SHISA9: variants seen among roughly 807,000 people sequenced by gnomAD.
The protein encoded by SHISA9 is protein shisa-9.
In SHISA9, 13 loss-of-function variants were observed where a neutral mutation model predicts 38.0. The observed-to-expected ratio is 0.34, with a 90% CI of 0.22 to 0.54. SHISA9 has a LOEUF of 0.54. SHISA9 is among the 20% of genes least tolerant of loss of function. The probability of loss-of-function intolerance (pLI) is 0.91; values close to 1 mark genes in which losing one functional copy is unlikely to be tolerated. For synonymous variants in SHISA9, 275 were observed against 242.0 expected, an observed-to-expected ratio of 1.14 and a Z score of -1.27; for missense variants, 538 against 575.8, an observed-to-expected ratio of 0.93 and a Z score of 0.67.
At chr16:13,067,592 G>A (rs2073449815) in intron 2 of SHISA9, among the ~76,000 whole-genome samples, 2 of 152,244 alleles carry the variant, frequency 1.3e-5, no homozygotes, top group Non-Finnish European at 1.5e-5. Flanking sequence ...GCTGCAGTGA[G>A]CTGTGATTGC....
At chr16:13,372,948 T>C in the SHISA9 span, among the ~76,000 whole-genome samples, 2 of 151,986 alleles carry the variant, frequency 1.3e-5, no homozygotes, top group African/African-American at 2.4e-5. Context: ...CTCATAAATA[T>C]TTAATGTATT....
chr16:13,561,479 G>A, the SHISA9 span, among the ~76,000 whole-genome samples: 1 of 152,228 alleles, frequency 6.6e-6, no homozygotes, highest in African/African-American at 2.4e-5. Flanking sequence ...GCCGTGGGCA[G>A]GAACCTCTCC....
chr16:13,550,916 G>A, the SHISA9 span, among the ~76,000 whole-genome samples: 4 of 152,218 alleles, frequency 2.6e-5, no homozygotes, highest in Admixed American at 6.5e-5. Context: ...AAGGTCAGGC[G>A]TTCGAGACCA....
At chr16:13,433,273 G>A in the SHISA9 span, among the ~76,000 whole-genome samples, 3 of 152,130 alleles carry the variant, frequency 2.0e-5, no homozygotes, top group South Asian at 2.1e-4. Context: ...TTTAACTCAC[G>A]GTGTGACTTT....
the SHISA9 span, chr16:13,458,387 T>C: frequency 8.1e-6 from 3 of 370,830 alleles, no homozygotes; most frequent in East Asian, 2.5e-4. Flanking sequence ...GGAAGCAAAC[T>C]TTATGATGCT....
chr16:13,194,870 G>T (rs1277521400), intron 2 of SHISA9, among the ~76,000 whole-genome samples: 1 of 152,180 alleles, frequency 6.6e-6, no homozygotes, highest in East Asian at 1.9e-4. Context: ...AGTAACAAAT[G>T]GATGGTGGAT....
At chr16:13,347,967 T>G in the SHISA9 span, among the ~76,000 whole-genome samples, 3 of 152,148 alleles carry the variant, frequency 2.0e-5, no homozygotes, top group Non-Finnish European at 4.4e-5. Context: ...AATAGGGAGA[T>G]TATCCTGGAT....
intron 2 of SHISA9, among the ~76,000 whole-genome samples, chr16:13,031,751 G>C (rs1407676962): frequency 6.6e-6 from 1 of 152,188 alleles, no homozygotes; most frequent in African/African-American, 2.4e-5. Flanking sequence ...TACAGTACTT[G>C]TTCTGAAAAC....
intron 2 of SHISA9, among the ~76,000 whole-genome samples, chr16:13,102,100 G>T (rs1467632713): frequency 6.6e-6 from 1 of 152,164 alleles, no homozygotes; most frequent in Non-Finnish European, 1.5e-5. Flanking sequence ...CCTCCCTGAG[G>T]CTTTTGAGTT....
intron 2 of SHISA9, among the ~76,000 whole-genome samples, chr16:13,091,531 C>T (rs2073775091): frequency 6.6e-6 from 1 of 152,140 alleles, no homozygotes; most frequent in Non-Finnish European, 1.5e-5. Flanking sequence ...CTTCTCTTCT[C>T]ACTTTATTTC....
intron 2 of SHISA9, among the ~76,000 whole-genome samples, chr16:13,035,377 A>G (rs772402263): frequency 2.0e-5 from 3 of 152,180 alleles, no homozygotes; most frequent in African/African-American, 2.4e-5. Context: ...TTTTCACTCT[A>G]TCAATCTTCC....
At chr16:13,420,245 CA>C in the SHISA9 span, among the ~76,000 whole-genome samples, 1,023 of 50,286 alleles carry the variant, frequency 0.02, 2 homozygotes, top group African/African-American at 0.079. Flanking sequence ...GAATCTGTTT[CA>C]AAAAAAAAAA....
intron 2 of SHISA9, among the ~76,000 whole-genome samples, chr16:13,003,306 C>T (rs535963375): frequency 3.3e-5 from 5 of 152,096 alleles, no homozygotes; most frequent in Admixed American, 6.6e-5. Flanking sequence ...CTATTTTGCT[C>T]CAGGTTATAT....
At chr16:13,010,398 T>A (rs2072657625) in intron 2 of SHISA9, among the ~76,000 whole-genome samples, 1 of 152,194 alleles carries the variant, frequency 6.6e-6, no homozygotes. Context: ...TATCTTAGAC[T>A]TAGAGAATCG....
At position 13,240,238 on chromosome 16, in the gene SHISA9, T is replaced by C. The variant is rs561464022; in HGVS notation, c.*4829T>C. 1 of 152,272 alleles carries C rather than the reference T, an allele frequency of 6.6e-6. No individual in the cohort carries two copies. Among genetic ancestry groups the C allele is most frequent in the East Asian group, 1.9e-4 (1 of 5,204 alleles). The allele number at this position is 152,272 out of a possible 1,614,324, so 9.4% of individuals were successfully genotyped here. ...CGAATATTTTAGTAACCGTATGTTC[T>C]GCAAGTAAACCTGTGTTAATACTTG... On this transcript the variant is annotated 3_prime_UTR_variant, in exon 5 of 5. Transcript: ENST00000558583.
At chr16:13,515,696 G>A in the SHISA9 span, among the ~76,000 whole-genome samples, 57 of 150,102 alleles carry the variant, frequency 3.8e-4, no homozygotes, top group African/African-American at 1.4e-3. Context: ...CTTCTTCCCT[G>A]TAGTACTTAA....
At chr16:13,029,746 A>T (rs999501992) in intron 2 of SHISA9, among the ~76,000 whole-genome samples, 1 of 152,242 alleles carries the variant, frequency 6.6e-6, no homozygotes, top group Non-Finnish European at 1.5e-5. Flanking sequence ...ATCTGAAAAT[A>T]AAAACAATTG....
At chr16:13,402,906 C>G in the SHISA9 span, among the ~76,000 whole-genome samples, 1 of 152,188 alleles carries the variant, frequency 6.6e-6, no homozygotes, top group African/African-American at 2.4e-5. Context: ...GTCACAATGT[C>G]AGGAGATTGA....
chr16:13,261,592 C>T, the SHISA9 span, among the ~76,000 whole-genome samples: 17 of 152,134 alleles, frequency 1.1e-4, no homozygotes, highest in African/African-American at 3.9e-4. Flanking sequence ...TTGGGGCATC[C>T]AAATCCTTGC....
Sources: allele counts gnomAD v4.1 joint callset (sites outside exome capture counted in the v4.1 genomes callset), GRCh38; gene constraint gnomAD v4.1.1; transcripts MANE v1.5; gene names NCBI Gene and HGNC (gene_info 2026-07-23, HGNC 2026-07-21).